Variants in CCDC149 observed in about 807,000 individuals in gnomAD.
CCDC149 encodes the protein coiled-coil domain-containing protein 149.
Under a neutral mutation model 59.9 loss-of-function variants are expected in CCDC149, and 45 were observed. The observed-to-expected ratio is 0.75, with a 90% CI of 0.59 to 0.96. CCDC149 has a LOEUF of 0.96. Ranked by LOEUF, CCDC149 falls within the 40% of genes least tolerant of loss-of-function variation. The pLI is 0.00. For synonymous variants in CCDC149, 245 were observed against 260.6 expected (o/e 0.94, Z 0.58); for missense variants, 584 against 664.7 (o/e 0.88, Z 1.33).
intron 1 of CCDC149, among the ~76,000 whole-genome samples, chr4:24,907,437 A>C (rs1388224507): frequency 6.6e-6 from 1 of 152,170 alleles, no homozygotes; most frequent in African/African-American, 2.4e-5. Context: ...ACACAACTCC[A>C]GGCCTAAAAC....
intron 1 of CCDC149, among the ~76,000 whole-genome samples, chr4:24,960,728 C>T (rs889759151): frequency 3.9e-5 from 6 of 151,990 alleles, no homozygotes; most frequent in Non-Finnish European, 5.9e-5. Flanking sequence ...GTTTAAGCTT[C>T]GAATAACAGA....
intron 1 of CCDC149, among the ~76,000 whole-genome samples, chr4:24,923,531 G>A (rs1428257639): frequency 6.6e-6 from 1 of 152,144 alleles, no homozygotes; most frequent in Admixed American, 6.5e-5. Flanking sequence ...CTAAGTGAAG[G>A]GTCATTGAAA....
At chr4:24,945,908 AC>A (rs1393623025) in intron 1 of CCDC149, among the ~76,000 whole-genome samples, 1 of 152,160 alleles carries the variant, frequency 6.6e-6, no homozygotes, top group Non-Finnish European at 1.5e-5. Context: ...GCTATGAGCC[AC>A]CATGCCTGGC....
downstream of CCDC149, among the ~76,000 whole-genome samples, chr4:24,804,832 G>A (rs1444177544): frequency 6.6e-6 from 1 of 152,192 alleles, no homozygotes; most frequent in Non-Finnish European, 1.5e-5. Context: ...TGTTTGGGAG[G>A]GAGGTCACAG....
chr4:24,973,749 A>G (rs1206361110), intron 1 of CCDC149, among the ~76,000 whole-genome samples: 1 of 152,236 alleles, frequency 6.6e-6, no homozygotes, highest in Admixed American at 6.5e-5. Flanking sequence ...CCCGGTCTGA[A>G]CTGAGTTTTG....
intron 1 of CCDC149, among the ~76,000 whole-genome samples, chr4:24,884,291 G>C (rs1720025786): frequency 6.6e-6 from 1 of 152,184 alleles, no homozygotes; most frequent in Non-Finnish European, 1.5e-5. Flanking sequence ...CAATTGCCTA[G>C]AGTATTCAGT....
At chr4:24,814,687 T>C (rs1354005425) in intron 12 of CCDC149, among the ~76,000 whole-genome samples, 1 of 152,214 alleles carries the variant, frequency 6.6e-6, no homozygotes, top group Non-Finnish European at 1.5e-5. Flanking sequence ...AATCTCACCA[T>C]GTCTTTCCCC....
At chr4:24,893,315 T>C (rs1386827106) in intron 1 of CCDC149, among the ~76,000 whole-genome samples, 1 of 152,200 alleles carries the variant, frequency 6.6e-6, no homozygotes, top group Non-Finnish European at 1.5e-5. Context: ...CCTCCAAATG[T>C]ATTGCACTTC....
At chr4:24,880,682 C>G (rs1719782759) in intron 1 of CCDC149, among the ~76,000 whole-genome samples, 1 of 152,136 alleles carries the variant, frequency 6.6e-6, no homozygotes, top group African/African-American at 2.4e-5. Flanking sequence ...AAGGCTGGGG[C>G]ATTAGAAGGA....
intron 1 of CCDC149, among the ~76,000 whole-genome samples, chr4:24,932,088 C>T (rs1372927469): frequency 6.6e-6 from 1 of 151,596 alleles, no homozygotes; most frequent in African/African-American, 2.4e-5. Flanking sequence ...AGTTTAGTTC[C>T]ACAGTGCTTG....
chr4:24,831,482 C>T, intron 9 of CCDC149, 24 bp downstream of exon 9: 2 of 1,612,544 alleles, frequency 1.2e-6, no homozygotes, highest in Non-Finnish European at 1.7e-6. Context: ...GCCCACCCCC[C>T]AACACAAGAG....
intron 1 of CCDC149, among the ~76,000 whole-genome samples, chr4:24,965,857 C>G (rs1246536253): frequency 6.6e-6 from 1 of 152,200 alleles, no homozygotes; most frequent in Non-Finnish European, 1.5e-5. Context: ...AGTGCAGGCG[C>G]AAAACCCCGC....
chr4:24,917,372 CTGA>C (rs1722158715), upstream of CCDC149, among the ~76,000 whole-genome samples: 1 of 152,252 alleles, frequency 6.6e-6, no homozygotes, highest in East Asian at 1.9e-4. Flanking sequence ...CTGAGTGGGG[CTGA>C]TGACGGCCTG....
At chr4:24,836,411 A>T (rs759695330) in intron 7 of CCDC149, 25 bp downstream of exon 7, 1 of 1,471,348 alleles carries the variant, frequency 6.8e-7, no homozygotes, top group South Asian at 1.1e-5. Context: ...GTCAATCACC[A>T]TCACTGTCAT....
rs1008739166 is a variant in CCDC149 at position 24,925,498 on chromosome 4, G to A, written c.-64-30380C>T. ...ATGCTTCCTTTTAAAAAAACTTTGCGGTGTTTTGTTTCGTTTTATTTTGTT... is the reference window on the plus strand; with the variant it reads ...ATGCTTCCTTTTAAAAAAACTTTGCAGTGTTTTGTTTCGTTTTATTTTGTT... On this transcript the variant is annotated intron_variant, in intron 1 of 12. Transcript: ENST00000389609. 3.9e-5 allele frequency among the ~76,000 whole-genome samples: 6 copies of A among 152,028 alleles called. No homozygotes were observed. In the East Asian group the frequency reaches 7.7e-4, roughly 20 times the overall value.
chr4:24,804,504 A>G (rs989793465), downstream of CCDC149, among the ~76,000 whole-genome samples: 9 of 151,804 alleles, frequency 5.9e-5, no homozygotes, highest in African/African-American at 2.2e-4. Flanking sequence ...AAAAAAAAAA[A>G]AAAAAGAAGT....
chr4:24,832,839 C>A (rs1298567063), intron 8 of CCDC149, among the ~76,000 whole-genome samples: 1 of 152,176 alleles, frequency 6.6e-6, no homozygotes, highest in African/African-American at 2.4e-5. Flanking sequence ...TATGACAATA[C>A]TATCTATTAA....
intron 1 of CCDC149, among the ~76,000 whole-genome samples, chr4:24,883,021 C>G (rs78059904): frequency 0.014 from 2,109 of 152,248 alleles, 56 homozygotes; most frequent in African/African-American, 0.049. Context: ...GTCCCCCCAG[C>G]CTCCTAACTT....
chr4:24,940,653 C>T (rs1047250340), intron 1 of CCDC149, among the ~76,000 whole-genome samples: 32 of 152,284 alleles, frequency 2.1e-4, no homozygotes, highest in African/African-American at 7.0e-4. Context: ...GGAAACCCAT[C>T]TCACATGCAG....
Sources: gnomAD v4.1 joint callset for allele counts (sites outside exome capture counted in the v4.1 genomes callset) on GRCh38, gnomAD v4.1.1 for gene constraint, MANE v1.5 for transcripts, NCBI Gene and HGNC (gene_info 2026-07-23, HGNC 2026-07-21) for gene names.